Variants in SCFD2 observed in about 807,000 individuals in gnomAD.
SCFD2 encodes the protein sec1 family domain-containing protein 2.
SCFD2 carries 54 observed loss-of-function variants against 58.9 expected under a neutral mutation model. The observed-to-expected ratio is 0.92, with a 90% CI of 0.74 to 1.15. SCFD2 has a LOEUF of 1.15. Among genes scored for constraint, SCFD2 ranks in the 50% most tolerant of loss-of-function variants. SCFD2 has a pLI of 0.00. For missense variants in SCFD2, 805 were observed against 836.6 expected (o/e 0.96, Z 0.47); for synonymous variants, 321 against 335.9 (o/e 0.96, Z 0.49).
At chr4:53,134,718 G>A (rs1163790234) in intron 5 of SCFD2, among the ~76,000 whole-genome samples, 1 of 152,190 alleles carries the variant, frequency 6.6e-6, no homozygotes. Flanking sequence ...AACATGAGGA[G>A]AGCCTCACAC....
chr4:53,116,238 CAGTT>C (rs71195202), intron 5 of SCFD2, among the ~76,000 whole-genome samples: 30,748 of 151,948 alleles, frequency 0.2, 3,412 homozygotes, highest in Non-Finnish European at 0.26. Context: ...AAACCTCAGT[CAGTT>C]AGTAAAACAA....
intron 5 of SCFD2, among the ~76,000 whole-genome samples, chr4:52,943,438 C>T (rs2109517042): frequency 6.6e-6 from 1 of 152,188 alleles, no homozygotes; most frequent in Non-Finnish European, 1.5e-5. Flanking sequence ...CAGGTGAGGG[C>T]CTTCTTGCTG....
Position 53,065,407 on chromosome 4 carries a change from T to C in SCFD2, c.1561+79926A>G, listed in dbSNP as rs1723634798. On this transcript the variant is annotated intron_variant, in intron 5 of 8. Transcript: ENST00000401642. ...ACTTCTACTGTAAGAACACTTACAATACAAATAATAAGTCAGATGTCAGAT... is the reference window on the plus strand; with the variant it reads ...ACTTCTACTGTAAGAACACTTACAACACAAATAATAAGTCAGATGTCAGAT... Among the ~76,000 whole-genome samples the C allele has an allele frequency of 2.0e-5, 3 of 152,072 alleles. No individual in the cohort carries two copies. The South Asian group carries it at 6.2e-4, about 31-fold the overall frequency.
In SCFD2 at chr4:52,997,729, C is replaced by T. The variant is rs973367239; in HGVS notation, c.1562-76859G>A. Reference sequence around the variant, plus strand: ...CCAGAGGCTTCTATATGGTGTAACCCCCTCACCAACCTAGACAGTCAGATA... The same window carrying T: ...CCAGAGGCTTCTATATGGTGTAACCTCCTCACCAACCTAGACAGTCAGATA... On this transcript the variant is annotated intron_variant, in intron 5 of 8. Coordinates refer to ENST00000401642, the MANE Select transcript of SCFD2 (RefSeq NM_152540.4). 6.6e-5 allele frequency among the ~76,000 whole-genome samples: 10 copies of T among 152,168 alleles called. No homozygotes were observed. The South Asian group carries it at 1.9e-3, about 28-fold the overall frequency.
At chr4:53,283,855 C>T (rs993777275) in intron 3 of SCFD2, among the ~76,000 whole-genome samples, 15 of 151,988 alleles carry the variant, frequency 9.9e-5, no homozygotes, top group African/African-American at 1.2e-4. Context: ...CGGTGTCTCA[C>T]GCATGTAATC....
intron 4 of SCFD2, among the ~76,000 whole-genome samples, chr4:53,235,289 A>G (rs2149012961): frequency 6.6e-6 from 1 of 152,362 alleles, no homozygotes; most frequent in Middle Eastern, 3.4e-3. Context: ...TCTCTGTCCT[A>G]ACAGCCACAA....
At chr4:53,314,753 T>C (rs1377003491) in intron 2 of SCFD2, among the ~76,000 whole-genome samples, 1 of 152,244 alleles carries the variant, frequency 6.6e-6, no homozygotes, top group Non-Finnish European at 1.5e-5. Context: ...AATTGGATAT[T>C]GAATAATAGA....
rs181035819 is a variant in SCFD2, at chr4:52,945,398, A to T, written c.1562-24528T>A. On this transcript the variant is annotated intron_variant, in intron 5 of 8. Coordinates refer to ENST00000401642, the MANE Select transcript of SCFD2 (RefSeq NM_152540.4). Reference sequence around the variant, plus strand: ...TGCCTTGTTTTTATATCCCCAGCCCACACTTAAGATTTTCTCTCCCCAAAT... The same window carrying T: ...TGCCTTGTTTTTATATCCCCAGCCCTCACTTAAGATTTTCTCTCCCCAAAT... 6.6e-5 allele frequency among the ~76,000 whole-genome samples: 10 copies of T among 152,298 alleles called. No homozygotes were observed. The East Asian group carries it at 1.9e-3, about 29-fold the overall frequency.
At chr4:53,005,682 T>C (rs1413967244) in intron 5 of SCFD2, among the ~76,000 whole-genome samples, 2 of 152,072 alleles carry the variant, frequency 1.3e-5, no homozygotes, top group Admixed American at 6.6e-5. Context: ...TATAATAAGA[T>C]GGAACAATAA....
intron 4 of SCFD2, among the ~76,000 whole-genome samples, chr4:53,148,002 G>A (rs990325290): frequency 1.3e-5 from 2 of 152,122 alleles, no homozygotes; most frequent in African/African-American, 2.4e-5. Flanking sequence ...GAAAGGTCAT[G>A]AAGGCTGCAG....
At chr4:53,249,058 A>T (rs1730241275) in intron 4 of SCFD2, among the ~76,000 whole-genome samples, 1 of 152,206 alleles carries the variant, frequency 6.6e-6, no homozygotes, top group African/African-American at 2.4e-5. Flanking sequence ...AAACTTTGAA[A>T]AAAATTTAGA....
At chr4:53,292,118 C>G (rs1186686277) in intron 3 of SCFD2, among the ~76,000 whole-genome samples, 3 of 151,896 alleles carry the variant, frequency 2.0e-5, no homozygotes, top group Non-Finnish European at 4.4e-5. Context: ...CTAGGCAATA[C>G]CATTCAGCAC....
At chr4:53,293,073 CA>C (rs903405794) in intron 3 of SCFD2, among the ~76,000 whole-genome samples, 9 of 148,180 alleles carry the variant, frequency 6.1e-5, no homozygotes, top group African/African-American at 2.0e-4. Flanking sequence ...TTTATCAATC[CA>C]AAAAAAAAGA....
intron 1 of SCFD2, among the ~76,000 whole-genome samples, chr4:53,359,283 C>T (rs1017155222): frequency 6.6e-6 from 1 of 152,074 alleles, no homozygotes; most frequent in Non-Finnish European, 1.5e-5. Context: ...AGTAAATTAA[C>T]AAGGCTAGCA....
chr4:53,090,013 A>T (rs1195439387), intron 5 of SCFD2, among the ~76,000 whole-genome samples: 5 of 152,134 alleles, frequency 3.3e-5, no homozygotes, highest in Admixed American at 6.6e-5. Context: ...AAAAGACAGA[A>T]CTTTGCTTTG....
intron 5 of SCFD2, among the ~76,000 whole-genome samples, chr4:53,041,757 CTA>C (rs1722906383): frequency 1.3e-5 from 2 of 152,158 alleles, no homozygotes. Flanking sequence ...CCATGCTTCA[CTA>C]TTTCAGTGGT....
chr4:52,903,770 C>G (rs1211167119), intron 7 of SCFD2, among the ~76,000 whole-genome samples: 4 of 152,140 alleles, frequency 2.6e-5, no homozygotes, highest in African/African-American at 7.2e-5. Flanking sequence ...CTAATCTGTT[C>G]TATTCTTTTT....
At chr4:52,986,154 C>A (rs149980658) in intron 5 of SCFD2, among the ~76,000 whole-genome samples, 35 of 152,184 alleles carry the variant, frequency 2.3e-4, no homozygotes, top group Middle Eastern at 6.8e-3. Context: ...GCCTCTTTGC[C>A]CCGTGAGAAT....
chr4:53,202,881 C>G (rs925579717), intron 4 of SCFD2, among the ~76,000 whole-genome samples: 3 of 152,098 alleles, frequency 2.0e-5, no homozygotes, highest in African/African-American at 7.2e-5. Flanking sequence ...GATTTTGTAT[C>G]CTGAGACTTT....
Sources: gnomAD v4.1 joint callset for allele counts (sites outside exome capture counted in the v4.1 genomes callset) on GRCh38, gnomAD v4.1.1 for gene constraint, MANE v1.5 for transcripts, NCBI Gene and HGNC (gene_info 2026-07-23, HGNC 2026-07-21) for gene names.